Variants in RPH3A observed in about 807,000 individuals in gnomAD.
RPH3A encodes the protein rabphilin 3A.
Under a neutral mutation model 102.2 loss-of-function variants are expected in RPH3A, and 48 were observed. The observed-to-expected ratio is 0.47, with a 90% CI of 0.37 to 0.60. The LOEUF is 0.60. Among genes scored for constraint, RPH3A ranks in the 20% least tolerant of loss-of-function variants. The pLI is 0.00. For missense variants in RPH3A, 781 were observed against 910.1 expected (o/e 0.86, Z 1.83); for synonymous variants, 310 against 324.3 (o/e 0.96, Z 0.47).
At chr12:112,649,611 C>G (rs2039959046) in intron 1 of RPH3A, 1 of 152,186 alleles carries the variant, frequency 6.6e-6, no homozygotes, top group African/African-American at 2.4e-5. Context: ...TAATTGGGTG[C>G]TCATATTTTG....
At chr12:112,722,562 T>A (rs2040558574) in intron 1 of RPH3A, among the ~76,000 whole-genome samples, 1 of 152,236 alleles carries the variant, frequency 6.6e-6, no homozygotes, top group Non-Finnish European at 1.5e-5. Flanking sequence ...TTTTCCAACT[T>A]CACTTGTGGA....
At chr12:112,775,589 A>G (rs1480568996) in intron 1 of RPH3A, among the ~76,000 whole-genome samples, 2 of 152,258 alleles carry the variant, frequency 1.3e-5, no homozygotes, top group Non-Finnish European at 2.9e-5. Flanking sequence ...CTGAAAGAAT[A>G]GGAAAAGAAT....
In RPH3A at chr12:112,676,726, C is replaced by T. The variant is rs148607057; in HGVS notation, c.-140+101407C>T. Reference sequence around the variant, plus strand: ...CTAATGGCTTGGAGAATGCCAGGCCCGTCTCCCTCTTAGAGCACACCGTAG... The same window carrying T: ...CTAATGGCTTGGAGAATGCCAGGCCTGTCTCCCTCTTAGAGCACACCGTAG... On this transcript the variant is annotated intron_variant, in intron 1 of 21. Transcript: ENST00000543106. Among the ~76,000 whole-genome samples the T allele has an allele frequency of 9.9e-3, 1,507 of 152,268 alleles. 23 individuals carry two copies. The highest frequency in any genetic ancestry group is 0.035 in the African/African-American group (1,437 of 41,544).
intron 1 of RPH3A, among the ~76,000 whole-genome samples, chr12:112,603,161 G>A (rs766778632): frequency 6.6e-6 from 1 of 152,178 alleles, no homozygotes; most frequent in Non-Finnish European, 1.5e-5. Flanking sequence ...TGTAGGGAGA[G>A]CATCTGTTGA....
intron 1 of RPH3A, among the ~76,000 whole-genome samples, chr12:112,601,525 C>A (rs896299820): frequency 2.0e-5 from 3 of 151,922 alleles, no homozygotes; most frequent in Admixed American, 6.6e-5. Flanking sequence ...AAAAAACGTG[C>A]CAAGAAAATA....
intron 14 of RPH3A, among the ~76,000 whole-genome samples, chr12:112,881,114 C>A (rs866115512): frequency 6.6e-6 from 1 of 152,038 alleles, no homozygotes; most frequent in Non-Finnish European, 1.5e-5. Flanking sequence ...ATGACGGGAG[C>A]CCAGAGGTGG....
intron 1 of RPH3A, among the ~76,000 whole-genome samples, chr12:112,689,645 GA>G (rs1228197179): frequency 6.6e-6 from 1 of 152,148 alleles, no homozygotes; most frequent in Non-Finnish European, 1.5e-5. Context: ...AATAAGTCAG[GA>G]CACAGATAAG....
At chr12:112,728,902 G>A (rs2040614099) in intron 1 of RPH3A, among the ~76,000 whole-genome samples, 1 of 152,132 alleles carries the variant, frequency 6.6e-6, no homozygotes, top group Non-Finnish European at 1.5e-5. Flanking sequence ...TCTTTTCTGG[G>A]AATGGGCAGG....
chr12:112,766,624 T>C (rs1048196360), intron 1 of RPH3A, among the ~76,000 whole-genome samples: 1 of 152,146 alleles, frequency 6.6e-6, no homozygotes, highest in Non-Finnish European at 1.5e-5. Flanking sequence ...CAGTCATGCC[T>C]GGGTGTTGTC....
At chr12:112,622,214 T>C (rs373923813) in intron 1 of RPH3A, among the ~76,000 whole-genome samples, 2 of 91,112 alleles carry the variant, frequency 2.2e-5, no homozygotes, top group Non-Finnish European at 3.7e-5. Flanking sequence ...TGGAGAATGA[T>C]TTTGACGAGC....
At chr12:112,589,727 G>T (rs1592895911) in intron 1 of RPH3A, among the ~76,000 whole-genome samples, 1 of 152,146 alleles carries the variant, frequency 6.6e-6, no homozygotes, top group African/African-American at 2.4e-5. Context: ...GCTCCATGAG[G>T]GCAGGGACCC....
intron 1 of RPH3A, among the ~76,000 whole-genome samples, chr12:112,704,286 C>T (rs1314508282): frequency 6.6e-6 from 1 of 152,096 alleles, no homozygotes; most frequent in Non-Finnish European, 1.5e-5. Context: ...GATGGGGTTT[C>T]ACCATGTTGG....
At chr12:112,894,733 C>T (rs1483783488) in intron 20 of RPH3A, 74 bp downstream of exon 20, 7 of 1,245,394 alleles carry the variant, frequency 5.6e-6, no homozygotes, top group Non-Finnish European at 7.9e-6. Context: ...AGCCACATAG[C>T]CATTAAATAT....
intron 1 of RPH3A, among the ~76,000 whole-genome samples, chr12:112,651,531 A>G (rs183460500): frequency 2.1e-4 from 32 of 152,236 alleles, no homozygotes; most frequent in Admixed American, 1.2e-3. Flanking sequence ...CTCTTGCTAC[A>G]GGAGACTTCA....
At chr12:112,592,239 C>T (rs1389537968) in intron 1 of RPH3A, among the ~76,000 whole-genome samples, 1 of 152,026 alleles carries the variant, frequency 6.6e-6, no homozygotes, top group Non-Finnish European at 1.5e-5. Flanking sequence ...TAGCCAGTCT[C>T]ATAACCTGGT....
intron 18 of RPH3A, 141 bp downstream of exon 18, chr12:112,890,221 C>T (rs2043070220): frequency 1.3e-6 from 1 of 745,728 alleles, no homozygotes; most frequent in Non-Finnish European, 2.3e-6. Context: ...TGAGAACAAC[C>T]CTTTGCCCAC....
At position 112,897,438 on chromosome 12, in the gene RPH3A, G is replaced by T. The variant is rs2043199823; in HGVS notation, c.*658G>T. ...CCGAATGTCACCTGTGTGCTTCCTA[G>T]CAAAACAAAAACAAACGACAACAAC... On this transcript the variant is annotated 3_prime_UTR_variant, in exon 22 of 22. Coordinates refer to ENST00000389385, the MANE Select transcript of RPH3A (RefSeq NM_001143854.2). The T allele has an allele frequency of 6.6e-6, 1 of 152,240 alleles. No homozygotes were observed. Among genetic ancestry groups the T allele is most frequent in the Non-Finnish European group, 1.5e-5 (1 of 68,148 alleles). The allele number at this position is 152,240 out of a possible 1,614,324, so 9.4% of individuals were successfully genotyped here.
intron 6 of RPH3A, 54 bp from the exon 7 acceptor site, chr12:112,866,703 A>T: frequency 6.8e-7 from 1 of 1,474,258 alleles, no homozygotes; most frequent in South Asian, 1.2e-5. Flanking sequence ...CTACGTTGCC[A>T]TGCCTCCCAT....
chr12:112,750,607 T>G (rs1045714775), intron 1 of RPH3A, among the ~76,000 whole-genome samples: 27 of 152,160 alleles, frequency 1.8e-4, no homozygotes, highest in African/African-American at 6.3e-4. Context: ...ACTGCAATGG[T>G]AAGGCCCAAG....
Sources: gnomAD v4.1 joint callset for allele counts (sites outside exome capture counted in the v4.1 genomes callset) on GRCh38, gnomAD v4.1.1 for gene constraint, MANE v1.5 for transcripts, NCBI Gene and HGNC (gene_info 2026-07-23, HGNC 2026-07-21) for gene names.